Variants in CAMKMT observed in about 807,000 individuals in gnomAD.
CAMKMT encodes CaM KMT.
A neutral mutation model predicts 48.0 loss-of-function variants in CAMKMT; 53 were observed. That is an observed-to-expected ratio of 1.10 (90% confidence interval 0.89 to 1.39). The LOEUF (loss-of-function observed/expected upper bound fraction) is 1.39, where lower values mean the gene tolerates loss of function less well. Among genes scored for constraint, CAMKMT ranks in the 40% most tolerant of loss-of-function variants. The pLI, the probability that CAMKMT is intolerant of heterozygous loss-of-function variation, is 0.00. For synonymous variants in CAMKMT, 165 were observed against 152.3 expected, an observed-to-expected ratio of 1.08 and a Z score of -0.61; for missense variants, 428 against 402.7, an observed-to-expected ratio of 1.06 and a Z score of -0.54.
chr2:44,477,225 T>C (rs1668734532), intron 3 of CAMKMT, among the ~76,000 whole-genome samples: 1 of 152,190 alleles, frequency 6.6e-6, no homozygotes, highest in Non-Finnish European at 1.5e-5. Flanking sequence ...AGATTTGATC[T>C]AATAACATGC....
intron 3 of CAMKMT, among the ~76,000 whole-genome samples, chr2:44,695,639 G>GT (rs1001903401): frequency 6.6e-6 from 1 of 152,196 alleles, no homozygotes; most frequent in Non-Finnish European, 1.5e-5. Context: ...ACATAGGGAT[G>GT]TTTTTTAAGG....
intron 1 of CAMKMT, among the ~76,000 whole-genome samples, chr2:44,368,394 A>G (rs1293214610): frequency 6.6e-6 from 1 of 152,182 alleles, no homozygotes; most frequent in East Asian, 1.9e-4. Flanking sequence ...TGTCAAAAGT[A>G]ATTTGACTTG....
chr2:44,400,940 A>G (rs1195248495), intron 3 of CAMKMT: 1 of 112,184 alleles, frequency 8.9e-6, no homozygotes, highest in Admixed American at 8.3e-5. Flanking sequence ...GTATATATAT[A>G]TATATATATA....
intron 3 of CAMKMT, among the ~76,000 whole-genome samples, chr2:44,667,538 A>G (rs1443566312): frequency 1.3e-5 from 2 of 152,144 alleles, no homozygotes; most frequent in South Asian, 2.1e-4. Flanking sequence ...TTGGCTCACT[A>G]TCTTCCTCTT....
intron 3 of CAMKMT, among the ~76,000 whole-genome samples, chr2:44,400,353 A>C (rs184244201): frequency 6.7e-6 from 1 of 149,862 alleles, no homozygotes; most frequent in East Asian, 1.9e-4. Context: ...TCTTTTAGAG[A>C]AAAAAAAAAT....
At chr2:44,501,653 A>C (rs1488126426) in intron 3 of CAMKMT, among the ~76,000 whole-genome samples, 1 of 152,180 alleles carries the variant, frequency 6.6e-6, no homozygotes, top group African/African-American at 2.4e-5. Context: ...GGACAAATTG[A>C]AACACTGGGT....
intron 3 of CAMKMT, among the ~76,000 whole-genome samples, chr2:44,545,943 A>G (rs1558692304): frequency 6.6e-6 from 1 of 152,064 alleles, no homozygotes. Context: ...AGATTCTAAT[A>G]TTTTTTGCCT....
intron 3 of CAMKMT, among the ~76,000 whole-genome samples, chr2:44,673,508 A>G (rs917715484): frequency 3.3e-4 from 47 of 144,118 alleles, no homozygotes; most frequent in African/African-American, 1.2e-3. Flanking sequence ...GAAGGAAGGA[A>G]GGAAGGAAGG....
At chr2:44,456,347 A>C in intron 3 of CAMKMT, among the ~76,000 whole-genome samples, 1 of 152,172 alleles carries the variant, frequency 6.6e-6, no homozygotes, top group South Asian at 2.1e-4. Flanking sequence ...AAATAACAGA[A>C]TCTATATATT....
At chr2:44,503,945 G>T (rs1240740625) in intron 3 of CAMKMT, among the ~76,000 whole-genome samples, 1 of 148,534 alleles carries the variant, frequency 6.7e-6, no homozygotes, top group Non-Finnish European at 1.5e-5. Context: ...GTGGAGAGAG[G>T]TAGAGAAAGA....
At chr2:44,524,557 ATTC>A (rs1307750894) in intron 3 of CAMKMT, among the ~76,000 whole-genome samples, 2 of 130,726 alleles carry the variant, frequency 1.5e-5, no homozygotes, top group East Asian at 2.2e-4. Flanking sequence ...TTCCTTTACC[ATTC>A]TTCTTCCTTC....
chr2:44,439,431 C>A (rs73924764), intron 3 of CAMKMT, among the ~76,000 whole-genome samples: 17,234 of 152,058 alleles, frequency 0.11, 1,474 homozygotes, highest in African/African-American at 0.24. Context: ...AGTTGTTGTT[C>A]CACTTCCCTG....
At chr2:44,586,911 A>G (rs987174394) in intron 3 of CAMKMT, among the ~76,000 whole-genome samples, 4 of 152,148 alleles carry the variant, frequency 2.6e-5, no homozygotes, top group African/African-American at 7.2e-5. Context: ...GGGTGGTTCT[A>G]TTTTACATTG....
chr2:44,552,175 AT>A (rs1227931044), intron 3 of CAMKMT, among the ~76,000 whole-genome samples: 4 of 152,046 alleles, frequency 2.6e-5, no homozygotes, highest in Admixed American at 1.3e-4. Flanking sequence ...ATTCCACTCT[AT>A]GCCCATAGGT....
chr2:44,409,533 A>G (rs146384336), intron 3 of CAMKMT, among the ~76,000 whole-genome samples: 1,578 of 152,238 alleles, frequency 0.01, 31 homozygotes, highest in African/African-American at 0.036. Context: ...TCAAGTTTTT[A>G]TATACTTCTT....
At chr2:44,505,017 T>TGC (rs1222125533) in intron 3 of CAMKMT, among the ~76,000 whole-genome samples, 1 of 152,070 alleles carries the variant, frequency 6.6e-6, no homozygotes, top group Non-Finnish European at 1.5e-5. Context: ...GGAGGAGAGA[T>TGC]GCCAGGCTCT....
intron 3 of CAMKMT, among the ~76,000 whole-genome samples, chr2:44,580,193 C>T (rs1669473374): frequency 6.6e-6 from 1 of 151,542 alleles, no homozygotes; most frequent in Non-Finnish European, 1.5e-5. Context: ...CCAGTAATGA[C>T]TAGTTCTTCT....
At chr2:44,395,267 T>C (rs1234725986) in intron 3 of CAMKMT, among the ~76,000 whole-genome samples, 1 of 152,198 alleles carries the variant, frequency 6.6e-6, no homozygotes, top group African/African-American at 2.4e-5. Context: ...TGCATATGTA[T>C]GTGTATATGT....
intron 3 of CAMKMT, among the ~76,000 whole-genome samples, chr2:44,523,651 G>T (rs1671243005): frequency 6.6e-6 from 1 of 151,916 alleles, no homozygotes; most frequent in Admixed American, 6.6e-5. Context: ...ACTGAGCTAG[G>T]ATGACCTAAA....
Sources: allele counts gnomAD v4.1 joint callset (sites outside exome capture counted in the v4.1 genomes callset), GRCh38; gene constraint gnomAD v4.1.1; transcripts MANE v1.5; gene names NCBI Gene and HGNC (gene_info 2026-07-23, HGNC 2026-07-21).